The following KXD1 variants were observed in gnomAD, a reference collection of about 807,000 sequenced individuals.
The protein encoded by KXD1 is KxDL motif containing 1.
In KXD1, 5 loss-of-function variants were observed where a neutral mutation model predicts 12.1. The observed-to-expected ratio is 0.41, with a 90% confidence interval of 0.22 to 0.87. The LOEUF is 0.87. Ranked by LOEUF, KXD1 falls within the 40% of genes least tolerant of loss-of-function variation. The probability of loss-of-function intolerance (pLI) is 0.31; values close to 1 mark genes in which losing one functional copy is unlikely to be tolerated. For synonymous variants in KXD1, 98 were observed against 100.5 expected, an observed-to-expected ratio of 0.98 and a Z score of 0.15; for missense variants, 193 against 244.9, an observed-to-expected ratio of 0.79 and a Z score of 1.41.
chr19:18,565,254 G>T, intron 3 of KXD1: 1 of 1,207,116 alleles, frequency 8.3e-7, no homozygotes, highest in Non-Finnish European at 1.1e-6. Flanking sequence ...TTTGGAGACG[G>T]AGTCTCGCTC....
rs549724987 is a variant in KXD1, at chr19:18,558,268, T to G, written c.-22+354T>G. 3.8e-4 allele frequency: 58 copies of G among 152,120 alleles called. 1 individual carries two copies. The highest frequency in any genetic ancestry group is 5.4e-4 in the Non-Finnish European group (37 of 68,038). The allele number at this position is 152,120 out of a possible 1,614,324, so 9.4% of individuals were successfully genotyped here. ...GGGGATATTTGAGCCCCTCCCCACT[T>G]GGGGTTTTTCAGAGCTTGGATGGCT... On this transcript the variant is annotated intron_variant, in intron 1 of 4. Transcript: ENST00000222307.
At position 18,562,062 on chromosome 19, in the gene KXD1, C is replaced by T. The variant is rs377711729; in HGVS notation, c.6C>T (p.Asp2=). The part of the protein sequence containing the change: M[D]LPDSASRVFC... ...CAGCGGAGGAGGAGAAAGAGATGGACCTCCCGGACTCGGCCTCGAGGGTCT... is the reference window on the plus strand; with the variant it reads ...CAGCGGAGGAGGAGAAAGAGATGGATCTCCCGGACTCGGCCTCGAGGGTCT... The change falls in exon 2 of 5, where the codon GAC becomes GAT. Residue 2 remains aspartate, a synonymous_variant. Transcript: ENST00000222307. The T allele has an allele frequency of 9.9e-6, 16 of 1,612,134 alleles. No homozygotes were observed. The African/African-American group carries it at 1.7e-4, about 17-fold the overall frequency.
intron 1 of KXD1, 74 bp from the exon 2 acceptor site, chr19:18,561,962 C>A: frequency 3.3e-6 from 3 of 919,494 alleles, no homozygotes; most frequent in South Asian, 1.8e-5. Context: ...CAGCACATGG[C>A]GGTCCCGGCC....
intron 3 of KXD1, chr19:18,565,327 T>A: frequency 1.9e-6 from 1 of 520,460 alleles, no homozygotes; most frequent in Non-Finnish European, 3.1e-6. Flanking sequence ...CTTCCCGGGC[T>A]CACGCCATTC....
chr19:18,569,355 G>C lies in KXD1; in HGVS notation c.*724G>C, dbSNP rs576583483. ...GCTGTTGGGAAGTTATCAATAAAAAGACACCATTACTAAAAAGGGAAAAGT... is the reference window on the plus strand; with the variant it reads ...GCTGTTGGGAAGTTATCAATAAAAACACACCATTACTAAAAAGGGAAAAGT... On this transcript the variant is annotated 3_prime_UTR_variant, in exon 5 of 5. Coordinates refer to ENST00000222307, the MANE Select transcript of KXD1 (RefSeq NM_024069.4). The C allele has an allele frequency of 1.3e-5, 2 of 152,684 alleles. No homozygotes were observed. Among genetic ancestry groups the C allele is most frequent in the Admixed American group, 6.5e-5 (1 of 15,286 alleles). The allele number at this position is 152,684 out of a possible 1,614,324, so 9.5% of individuals were successfully genotyped here.
rs186346499 is a variant in KXD1 at position 18,568,994 on chromosome 19, C to T, written c.*363C>T. 258 of 282,570 alleles carry T rather than the reference C, an allele frequency of 9.1e-4. No individual in the cohort carries two copies. The highest frequency in any genetic ancestry group is 3.3e-3 in the African/African-American group (153 of 46,244). The allele number at this position is 282,570 out of a possible 1,614,324, so 17.5% of individuals were successfully genotyped here. A position where few individuals can be genotyped will look rare whatever the true frequency, so the allele number is the denominator to read the frequency against. ...ACCAGAGCCAGATGTCCCCCACCAC[C>T]GGTCAGGACCTCCTTGAGGTGCACA... is the stretch of plus-strand genomic sequence containing the variant. On this transcript the variant is annotated 3_prime_UTR_variant, in exon 5 of 5. Transcript: ENST00000222307.
chr19:18,562,517 A>G (rs1166826739), intron 2 of KXD1, among the ~76,000 whole-genome samples: 1 of 152,192 alleles, frequency 6.6e-6, no homozygotes, highest in Non-Finnish European at 1.5e-5. Context: ...CTAGAGTGCA[A>G]TGGTGTGACC....
Position 18,568,669 on chromosome 19 carries a change from C to G in KXD1, c.*38C>G, listed in dbSNP as rs1368181168. ...GTGCCTTGAGGGGGTCTCAGGGCAG[C>G]AGCATACAAGGTGGCAGCGGGTAAC... On this transcript the variant is annotated 3_prime_UTR_variant, in exon 5 of 5. Coordinates refer to ENST00000222307, the MANE Select transcript of KXD1 (RefSeq NM_024069.4). The G allele has an allele frequency of 6.6e-7, 1 of 1,514,612 alleles. No homozygotes were observed. Among genetic ancestry groups the G allele is most frequent in the African/African-American group, 1.4e-5 (1 of 73,226 alleles). The allele number at this position is 1,514,612 out of a possible 1,614,324, so 93.8% of individuals were successfully genotyped here.
intron 1 of KXD1, among the ~76,000 whole-genome samples, chr19:18,560,908 T>C (rs1255185983): frequency 1.3e-5 from 2 of 152,016 alleles, no homozygotes; most frequent in Non-Finnish European, 2.9e-5. Context: ...GGTTTCACTA[T>C]GTTGGCCAGG....
rs2145269061 is a variant in KXD1 at position 18,569,310 on chromosome 19, T to A, written c.*679T>A. On this transcript the variant is annotated 3_prime_UTR_variant, in exon 5 of 5. Coordinates refer to ENST00000222307, the MANE Select transcript of KXD1 (RefSeq NM_024069.4). ...GGGAAAGAGTTTAATGGAATATTTT[T>A]GTACCCGATGTTTACAGATGCTGTT... 6.5e-6 allele frequency: 1 copy of A among 152,784 alleles called. No homozygotes were observed. Among genetic ancestry groups the A allele is most frequent in the South Asian group, 2.1e-4 (1 of 4,832 alleles). The allele number at this position is 152,784 out of a possible 1,614,324, so 9.5% of individuals were successfully genotyped here. A position where few individuals can be genotyped will look rare whatever the true frequency, so the allele number is the denominator to read the frequency against.
At chr19:18,565,230 G>GTT (rs752046179) in intron 3 of KXD1, 25,310 of 1,059,730 alleles carry the variant, frequency 0.024, no homozygotes, top group African/African-American at 0.032. Context: ...TCGAGACAGA[G>GTT]TTTTTTTTTT....
rs754837457 is a variant in KXD1, at chr19:18,568,428, G to A, written c.328G>A (p.Glu110Lys). Residue 110 changes from glutamate to lysine, a missense_variant, in exon 5 of 5, where the codon GAA becomes AAA. Transcript: ENST00000222307. ...TATCCCAGAGGCATCCTTCCTGGAGGAAGAGGATGAAGACCCCATCCCACC... is the reference window on the plus strand; with the variant it reads ...TATCCCAGAGGCATCCTTCCTGGAGAAAGAGGATGAAGACCCCATCCCACC... ...SHIPEASFLE[E>K]EDEDPIPPST... 3 of 1,613,940 alleles carry A rather than the reference G, an allele frequency of 1.9e-6. No individual in the cohort carries two copies. The African/African-American group carries it at 4.0e-5, about 22-fold the overall frequency.
chr19:18,559,871 TTC>T (rs1387592227), intron 1 of KXD1: 2 of 151,948 alleles, frequency 1.3e-5, no homozygotes, highest in African/African-American at 4.8e-5. Flanking sequence ...AACCCTTTCT[TTC>T]TCTTTCCTTT....
chr19:18,563,565 G>A lies in KXD1; in HGVS notation c.102-1304G>A, dbSNP rs148761701. Among the ~76,000 whole-genome samples, 434 of 152,048 alleles carry A rather than the reference G, an allele frequency of 2.9e-3. 1 individual carries two copies. Among genetic ancestry groups the A allele is most frequent in the African/African-American group, 8.7e-3 (359 of 41,478 alleles). Reference sequence around the variant, plus strand: ...TCTCGCCAGGCTGGAGCACAGTGGCGCAATCTCAGCTCACTGCAACCTCTG... The same window carrying A: ...TCTCGCCAGGCTGGAGCACAGTGGCACAATCTCAGCTCACTGCAACCTCTG... On this transcript the variant is annotated intron_variant, in intron 2 of 4. Transcript: ENST00000222307.
chr19:18,558,250 T>C (rs990034084), intron 1 of KXD1: 1 of 152,156 alleles, frequency 6.6e-6, no homozygotes, highest in African/African-American at 2.4e-5. Context: ...TGAGGGGATA[T>C]TTGAGCCCCT....
Position 18,567,400 on chromosome 19 carries a change from G to A in KXD1, c.301+222G>A, listed in dbSNP as rs535660734. On this transcript the variant is annotated intron_variant, in intron 4 of 4. Transcript: ENST00000222307. ...GGAGTCCGTGCCCCGTGGGGAGGCC[G>A]CACAGGAGAATGTGGATAAGCAGCA... 1.1e-4 allele frequency: 69 copies of A among 655,062 alleles called. 1 individual carries two copies. The highest frequency in any genetic ancestry group is 8.6e-4 in the South Asian group (50 of 58,400). The allele number at this position is 655,062 out of a possible 1,614,324, so 40.6% of individuals were successfully genotyped here.
At chr19:18,567,048 C>A in intron 3 of KXD1, 84 bp from the exon 4 acceptor site, 3 of 1,305,960 alleles carry the variant, frequency 2.3e-6, no homozygotes, top group Non-Finnish European at 3.3e-6. Flanking sequence ...TTGCCCTCAG[C>A]TGGCAGCAGG....
chr19:18,560,714 CTT>C (rs11313029), intron 1 of KXD1, among the ~76,000 whole-genome samples: 23 of 148,038 alleles, frequency 1.6e-4, no homozygotes, highest in African/African-American at 1.7e-4. Context: ...TCTACTCCTT[CTT>C]TTTTTTTTTT....
At chr19:18,565,832 C>A (rs868480675) in intron 3 of KXD1, among the ~76,000 whole-genome samples, 1 of 152,086 alleles carries the variant, frequency 6.6e-6, no homozygotes, top group South Asian at 2.1e-4. Context: ...GGACTACAGG[C>A]GCATGCTGCC....
Sources: allele counts gnomAD v4.1 joint callset (sites outside exome capture counted in the v4.1 genomes callset), GRCh38; gene constraint gnomAD v4.1.1; transcripts MANE v1.5; gene names NCBI Gene and HGNC (gene_info 2026-07-23, HGNC 2026-07-21).